Variants in ARHGAP10 observed in about 807,000 individuals in gnomAD.
The protein encoded by ARHGAP10 is rho GTPase-activating protein 10.
Under a neutral mutation model 108.6 loss-of-function variants are expected in ARHGAP10, and 87 were observed. The observed-to-expected ratio is 0.80, with a 90% CI of 0.67 to 0.96. ARHGAP10 has a LOEUF of 0.96. ARHGAP10 is among the 40% of genes least tolerant of loss of function. The pLI is 0.00. For synonymous variants in ARHGAP10, 347 were observed against 341.1 expected, an observed-to-expected ratio of 1.02 and a Z score of -0.19; for missense variants, 939 against 954.5, an observed-to-expected ratio of 0.98 and a Z score of 0.21.
intron 1 of ARHGAP10, among the ~76,000 whole-genome samples, chr4:147,782,372 T>G (rs984658451): frequency 2.0e-5 from 3 of 152,174 alleles, no homozygotes; most frequent in African/African-American, 4.8e-5. Context: ...ATATGCGTTT[T>G]ATTATCAGCA....
At chr4:147,995,869 A>G (rs1170843501) in intron 18 of ARHGAP10, among the ~76,000 whole-genome samples, 1 of 152,170 alleles carries the variant, frequency 6.6e-6, no homozygotes, top group Non-Finnish European at 1.5e-5. Context: ...GGCACCCGCC[A>G]CTACGCCTGG....
At chr4:148,002,967 T>G (rs1478596610) in intron 18 of ARHGAP10, among the ~76,000 whole-genome samples, 2 of 152,232 alleles carry the variant, frequency 1.3e-5, no homozygotes, top group Non-Finnish European at 2.9e-5. Context: ...CTTTTGAATG[T>G]GTTTGCTCTT....
chr4:148,026,521 C>T (rs1727856786), intron 19 of ARHGAP10, among the ~76,000 whole-genome samples: 1 of 152,102 alleles, frequency 6.6e-6, no homozygotes, highest in African/African-American at 2.4e-5. Context: ...TGTGTATGCT[C>T]ATTATTTTTC....
chr4:147,757,022 C>T (rs1425813777), intron 1 of ARHGAP10, among the ~76,000 whole-genome samples: 3 of 146,432 alleles, frequency 2.0e-5, no homozygotes, highest in Admixed American at 6.9e-5. Flanking sequence ...AGAGTGAGAG[C>T]GAGAGAGAGA....
intron 3 of ARHGAP10, among the ~76,000 whole-genome samples, chr4:147,831,776 A>G (rs1195102456): frequency 6.6e-6 from 1 of 152,194 alleles, no homozygotes; most frequent in Non-Finnish European, 1.5e-5. Context: ...AGTTTAATTT[A>G]CTGACTCAGA....
chr4:147,961,741 T>A (rs1032411201), intron 16 of ARHGAP10, among the ~76,000 whole-genome samples: 3 of 152,168 alleles, frequency 2.0e-5, no homozygotes, highest in Non-Finnish European at 4.4e-5. Flanking sequence ...ATAAAACTGG[T>A]GATACCCAGG....
intron 3 of ARHGAP10, among the ~76,000 whole-genome samples, chr4:147,845,101 C>G (rs1245226261): frequency 6.6e-6 from 1 of 152,232 alleles, no homozygotes; most frequent in African/African-American, 2.4e-5. Context: ...TCACCTTCAT[C>G]CTTTGCCTCT....
intron 10 of ARHGAP10, among the ~76,000 whole-genome samples, chr4:147,898,525 T>G (rs1271898011): frequency 1.3e-5 from 2 of 152,166 alleles, no homozygotes; most frequent in Non-Finnish European, 2.9e-5. Context: ...TATTTCTTAC[T>G]GCCCGGTTTA....
chr4:148,023,396 G>T lies in ARHGAP10; in HGVS notation c.1850G>T (p.Cys617Phe), dbSNP rs780816907. The change falls in exon 19 of 23, where the codon TGT (cysteine) becomes TTT (phenylalanine). Residue 617 changes from cysteine to phenylalanine, a missense_variant. Transcript: ENST00000336498. ...AGGCCCGTGGCCGTCTACAATCTTT[G>T]TCTGGAGCTGGAAGATGGTAAGATG... ...TKRPVAVYNL[C>F]LELEDGDNPY... The T allele has an allele frequency of 6.2e-7, 1 of 1,613,634 alleles. No individual in the cohort carries two copies. The highest frequency in any genetic ancestry group is 1.1e-5 in the South Asian group (1 of 90,966).
chr4:147,934,399 T>C (rs144923912), intron 13 of ARHGAP10, among the ~76,000 whole-genome samples: 1 of 152,190 alleles, frequency 6.6e-6, no homozygotes, highest in Non-Finnish European at 1.5e-5. Context: ...AGAGAGACTT[T>C]GATGGTGGAT....
At chr4:147,813,308 C>T (rs1732108263) in intron 1 of ARHGAP10, among the ~76,000 whole-genome samples, 1 of 152,226 alleles carries the variant, frequency 6.6e-6, no homozygotes, top group South Asian at 2.1e-4. Context: ...GCTCTGCCCA[C>T]AGCCCCTGCT....
At chr4:147,888,694 A>G (rs554252396) in intron 10 of ARHGAP10, among the ~76,000 whole-genome samples, 3 of 152,348 alleles carry the variant, frequency 2.0e-5, no homozygotes, top group Admixed American at 2.0e-4. Context: ...ATTTCTAAAC[A>G]GAGAAACATC....
rs982488953 is a variant in ARHGAP10 at position 147,857,230 on chromosome 4, C to T, written c.385-323C>T. Among the ~76,000 whole-genome samples the T allele has an allele frequency of 5.9e-5, 9 of 152,174 alleles. No homozygotes were observed. The South Asian group carries it at 6.2e-4, about 11-fold the overall frequency. On this transcript the variant is annotated intron_variant, in intron 4 of 22. Transcript: ENST00000336498. The stretch of plus-strand genomic sequence containing the variant: ...TTTAAGCTTTATGTTATTTTTCTTA[C>T]GTATTTTGTTTCATTCGGTTGGTGA...
rs368239462 is a variant in ARHGAP10, at chr4:147,868,827, C to T, written c.702+2011C>T. ...CTCCTATGAGAATCTGATGCCACCG[C>T]GGATCTGACAGAAGGTGGACTCAGG... On this transcript the variant is annotated intron_variant, in intron 7 of 22. Transcript: ENST00000336498. Among the ~76,000 whole-genome samples, 74 of 152,244 alleles carry T rather than the reference C, an allele frequency of 4.9e-4. No individual in the cohort carries two copies. The South Asian group carries it at 8.7e-3, about 18-fold the overall frequency.
At chr4:147,910,424 A>G (rs1579189487) in intron 12 of ARHGAP10, among the ~76,000 whole-genome samples, 2 of 152,164 alleles carry the variant, frequency 1.3e-5, no homozygotes, top group African/African-American at 4.8e-5. Flanking sequence ...AAGAGTTTCA[A>G]GTATGCAACC....
chr4:147,857,484 G>C, intron 4 of ARHGAP10, 69 bp from the exon 5 acceptor site: 1 of 1,305,592 alleles, frequency 7.7e-7, no homozygotes, highest in Non-Finnish European at 1.0e-6. Flanking sequence ...CATAATTTGA[G>C]CTTCCCAGTG....
chr4:148,003,954 G>GACTA (rs1560869995), intron 18 of ARHGAP10, among the ~76,000 whole-genome samples: 1 of 151,412 alleles, frequency 6.6e-6, no homozygotes, highest in African/African-American at 2.5e-5. Flanking sequence ...ATTATGCTAA[G>GACTA]AGACGTGAGA....
chr4:148,010,368 C>G (rs1741125262), intron 18 of ARHGAP10, among the ~76,000 whole-genome samples: 1 of 152,096 alleles, frequency 6.6e-6, no homozygotes, highest in Admixed American at 6.5e-5. Context: ...TATTGTGTAC[C>G]AGTGTTTAAT....
At chr4:147,921,219 A>G (rs1737218515) in intron 13 of ARHGAP10, among the ~76,000 whole-genome samples, 1 of 152,208 alleles carries the variant, frequency 6.6e-6, no homozygotes, top group Non-Finnish European at 1.5e-5. Context: ...GAGGATAGGA[A>G]TTCTGCAAGG....
Sources: allele counts gnomAD v4.1 joint callset (sites outside exome capture counted in the v4.1 genomes callset), GRCh38; gene constraint gnomAD v4.1.1; transcripts MANE v1.5; gene names NCBI Gene and HGNC (gene_info 2026-07-23, HGNC 2026-07-21).